Variants in INTS9 observed in about 807,000 individuals in gnomAD.
The protein encoded by INTS9 is integrator complex subunit 9.
INTS9 carries 55 observed loss-of-function variants against 79.7 expected under a neutral mutation model. That is an observed-to-expected ratio of 0.69 (90% CI 0.56 to 0.86). The LOEUF (loss-of-function observed/expected upper bound fraction) is 0.86. INTS9 is among the 40% of genes least tolerant of loss of function. The pLI is 0.00. For missense variants in INTS9, 721 were observed against 831.5 expected, an observed-to-expected ratio of 0.87 and a Z score of 1.64; for synonymous variants, 319 against 325.2, an observed-to-expected ratio of 0.98 and a Z score of 0.20.
intron 14 of INTS9, 71 bp from the exon 15 acceptor site, chr8:28,771,151 T>C: frequency 9.4e-7 from 1 of 1,069,020 alleles, no homozygotes; most frequent in Non-Finnish European, 1.4e-6. Context: ...TAATCTGTAT[T>C]TACATCACTG....
Position 28,780,902 on chromosome 8 carries a change from G to A in INTS9, c.1191C>T (p.His397=), listed in dbSNP as rs780016544. 1 of 1,614,190 alleles carries A rather than the reference G, an allele frequency of 6.2e-7. No homozygotes were observed. The highest frequency in any genetic ancestry group is 1.7e-5 in the Admixed American group (1 of 60,030). Residue 397 remains histidine, a synonymous_variant, in exon 12 of 17, where the codon CAC becomes CAT. Transcript: ENST00000521022. ...FRQPCVVFTG[H]PSLRFGDVVH... ...CCACGTCCCCGAAGCGGAGGGAAGG[G>A]TGCCCGGTGAACACCACACAGGGCT...
At chr8:28,788,920 G>A (rs1040992610) in intron 10 of INTS9, among the ~76,000 whole-genome samples, 2 of 152,216 alleles carry the variant, frequency 1.3e-5, no homozygotes, top group Non-Finnish European at 2.9e-5. Flanking sequence ...TGGGTGTTGT[G>A]CAGGTTTGAC....
chr8:28,887,311 C>T (rs967242056), intron 1 of INTS9, among the ~76,000 whole-genome samples: 2 of 152,104 alleles, frequency 1.3e-5, no homozygotes, highest in African/African-American at 4.8e-5. Context: ...CTTCCGGATG[C>T]AGAGGAAAGA....
chr8:28,887,239 G>A (rs1810219266), intron 1 of INTS9, among the ~76,000 whole-genome samples: 2 of 152,202 alleles, frequency 1.3e-5, no homozygotes, highest in South Asian at 4.1e-4. Flanking sequence ...AAGTGTAGGA[G>A]GTTATCCTAA....
chr8:28,815,591 A>G (rs1200954218), intron 6 of INTS9, among the ~76,000 whole-genome samples: 1 of 152,210 alleles, frequency 6.6e-6, no homozygotes, highest in Non-Finnish European at 1.5e-5. Context: ...AAAATCGGAA[A>G]AAGTCTGAAG....
At chr8:28,885,065 T>G (rs911629298) in intron 1 of INTS9, among the ~76,000 whole-genome samples, 6 of 152,260 alleles carry the variant, frequency 3.9e-5, no homozygotes, top group Non-Finnish European at 5.9e-5. Context: ...CTCGGTGTTT[T>G]ACTTGTCTTC....
intron 14 of INTS9, among the ~76,000 whole-genome samples, chr8:28,775,182 C>T (rs1254421929): frequency 6.6e-6 from 1 of 152,182 alleles, no homozygotes; most frequent in Non-Finnish European, 1.5e-5. Context: ...TCAGCATCTC[C>T]ACTTCCCAGG....
At chr8:28,826,783 T>C (rs1382928336) in intron 6 of INTS9, among the ~76,000 whole-genome samples, 1 of 152,242 alleles carries the variant, frequency 6.6e-6, no homozygotes, top group African/African-American at 2.4e-5. Context: ...TGGCATCTAT[T>C]TTTTTGCTTG....
intron 1 of INTS9, among the ~76,000 whole-genome samples, chr8:28,879,142 C>T (rs900908774): frequency 1.3e-5 from 2 of 152,076 alleles, no homozygotes; most frequent in African/African-American, 4.8e-5. Context: ...AACTACAGAC[C>T]AATATCCTTC....
intron 1 of INTS9, among the ~76,000 whole-genome samples, chr8:28,882,934 C>G (rs1002266262): frequency 3.3e-5 from 5 of 152,216 alleles, no homozygotes; most frequent in Admixed American, 3.3e-4. Flanking sequence ...TAGTCTTGAT[C>G]ACTGAGCAAC....
intron 9 of INTS9, among the ~76,000 whole-genome samples, chr8:28,796,171 G>A (rs1804205463): frequency 6.6e-6 from 1 of 152,096 alleles, no homozygotes; most frequent in Non-Finnish European, 1.5e-5. Context: ...TTAGCCGGGT[G>A]TGTTGGCACA....
At chr8:28,789,704 G>A (rs1031523840) in intron 10 of INTS9, among the ~76,000 whole-genome samples, 17 of 152,244 alleles carry the variant, frequency 1.1e-4, no homozygotes, top group East Asian at 3.9e-4. Flanking sequence ...GGGTTCAGAC[G>A]AGATGCAACC....
intron 1 of INTS9, among the ~76,000 whole-genome samples, chr8:28,870,319 ATT>A (rs11391131): frequency 2.7e-5 from 3 of 113,008 alleles, no homozygotes; most frequent in Non-Finnish European, 5.1e-5. Context: ...AACATTAACC[ATT>A]TTTTTTTTTT....
chr8:28,868,138 T>C (rs1455837624), intron 1 of INTS9, among the ~76,000 whole-genome samples: 2 of 152,218 alleles, frequency 1.3e-5, no homozygotes, highest in Admixed American at 6.5e-5. Context: ...AGACCTTATT[T>C]TGAATTGGTA....
intron 2 of INTS9, among the ~76,000 whole-genome samples, chr8:28,854,800 G>C (rs1563299775): frequency 6.6e-6 from 1 of 152,144 alleles, no homozygotes; most frequent in East Asian, 1.9e-4. Context: ...GATCTGCACA[G>C]GAGCAGAGTC....
At chr8:28,776,934 G>T (rs1802923465) in intron 13 of INTS9, among the ~76,000 whole-genome samples, 1 of 152,178 alleles carries the variant, frequency 6.6e-6, no homozygotes, top group South Asian at 2.1e-4. Context: ...ATACATTGGG[G>T]TAGCGAATCA....
chr8:28,831,865 AT>A (rs1019081126), intron 6 of INTS9, among the ~76,000 whole-genome samples: 6 of 150,938 alleles, frequency 4.0e-5, no homozygotes, highest in African/African-American at 7.3e-5. Flanking sequence ...CGCCTGGCTA[AT>A]TTTTTTTTGT....
chr8:28,809,118 T>C lies in INTS9; in HGVS notation c.744+3209A>G, dbSNP rs556120231. Among the ~76,000 whole-genome samples the C allele has an allele frequency of 2.1e-3, 314 of 151,982 alleles. 3 individuals carry two copies. Among genetic ancestry groups the C allele is most frequent in the African/African-American group, 7.2e-3 (297 of 41,496 alleles). On this transcript the variant is annotated intron_variant, in intron 8 of 16. Transcript: ENST00000521022. ...GCGCATGCCACCGCACCTGGCTTTT[T>C]TTTATTTTATTTTAACTTTTCGTAG...
chr8:28,868,529 C>T (rs1435366409), intron 1 of INTS9, among the ~76,000 whole-genome samples: 1 of 152,030 alleles, frequency 6.6e-6, no homozygotes, highest in African/African-American at 2.4e-5. Flanking sequence ...TTCTATTTAA[C>T]CAACCCATGC....
Sources: allele counts gnomAD v4.1 joint callset (sites outside exome capture counted in the v4.1 genomes callset), GRCh38; gene constraint gnomAD v4.1.1; transcripts MANE v1.5; gene names NCBI Gene and HGNC (gene_info 2026-07-23, HGNC 2026-07-21).